RBFOX1: variants seen among roughly 807,000 people sequenced by gnomAD.
RBFOX1 encodes the protein RNA binding protein fox-1 homolog 1.
In RBFOX1, 8 loss-of-function variants were observed where a neutral mutation model predicts 57.7. The observed-to-expected ratio is 0.14, with a 90% confidence interval of 0.08 to 0.25. The LOEUF (loss-of-function observed/expected upper bound fraction) is 0.25, where lower values mean the gene tolerates loss of function less well. Ranked by LOEUF, RBFOX1 falls within the 10% of genes least tolerant of loss-of-function variation. The probability of loss-of-function intolerance (pLI) is 1.00; values close to 1 mark genes in which losing one functional copy is unlikely to be tolerated. For missense variants in RBFOX1, 611 were observed against 548.5 expected (o/e 1.11, Z -1.14); for synonymous variants, 326 against 222.4 (o/e 1.47, Z -4.15).
chr16:6,036,859 G>T (rs2095371871), intron 1 of RBFOX1, among the ~76,000 whole-genome samples: 1 of 152,114 alleles, frequency 6.6e-6, no homozygotes, highest in South Asian at 2.1e-4. Flanking sequence ...TGCTATATGG[G>T]ACACACAAAA....
At chr16:5,500,326 G>A (rs2043151126) in intron 2 of RBFOX1, among the ~76,000 whole-genome samples, 4 of 151,820 alleles carry the variant, frequency 2.6e-5, no homozygotes, top group Admixed American at 2.6e-4. Context: ...GAATTCAAGT[G>A]ATCCTCCCAC....
At chr16:6,911,980 C>T (rs751133064) in intron 3 of RBFOX1, among the ~76,000 whole-genome samples, 1 of 152,148 alleles carries the variant, frequency 6.6e-6, no homozygotes, top group African/African-American at 2.4e-5. Flanking sequence ...GTAGAAAGAA[C>T]AAGAATAAAG....
intron 2 of RBFOX1, among the ~76,000 whole-genome samples, chr16:5,509,747 G>C (rs941420844): frequency 2.6e-5 from 4 of 152,192 alleles, no homozygotes; most frequent in Non-Finnish European, 4.4e-5. Context: ...TGGACGTTAA[G>C]GCCAAGATGG....
chr16:6,562,133 G>A (rs1427535990), intron 2 of RBFOX1, among the ~76,000 whole-genome samples: 1 of 152,178 alleles, frequency 6.6e-6, no homozygotes, highest in African/African-American at 2.4e-5. Context: ...AGACTCCATA[G>A]TTCAAGATAG....
At chr16:6,522,160 TG>T in intron 2 of RBFOX1, among the ~76,000 whole-genome samples, 1 of 140,932 alleles carries the variant, frequency 7.1e-6, no homozygotes, top group Non-Finnish European at 1.5e-5. Flanking sequence ...CCACAGTGTG[TG>T]TGTGTGTGTG....
Position 6,019,542 on chromosome 16 carries a change from A to C in RBFOX1, c.-577A>C. 6.0e-5 allele frequency: 64 copies of C among 1,068,988 alleles called. No individual in the cohort carries two copies. The highest frequency in any genetic ancestry group is 3.0e-4 in the East Asian group (5 of 16,718). The allele number at this position is 1,068,988 out of a possible 1,614,324, so 66.2% of individuals were successfully genotyped here. A position where few individuals can be genotyped will look rare whatever the true frequency, so the allele number is the denominator to read the frequency against. ...CGGGGGCGCTCTGCCAGCCCCGGGA[A>C]CAGCAGAGGCGGCGGCACTGGCTGG... On this transcript the variant is annotated 5_prime_UTR_variant, in exon 1 of 16. Transcript: ENST00000550418. The surrounding 1 kb of genome is among the most constrained non-coding windows in gnomAD (Gnocchi z 4.2).
intron 2 of RBFOX1, among the ~76,000 whole-genome samples, chr16:5,477,785 G>T (rs1165767826): frequency 6.6e-6 from 1 of 152,114 alleles, no homozygotes; most frequent in African/African-American, 2.4e-5. Context: ...AGACCTCCTA[G>T]AAATTCGTAC....
intron 1 of RBFOX1, among the ~76,000 whole-genome samples, chr16:5,461,370 T>G (rs989808173): frequency 2.6e-5 from 4 of 152,084 alleles, no homozygotes; most frequent in Non-Finnish European, 5.9e-5. Flanking sequence ...CTGGAGGCAC[T>G]CATTTCTAGA....
In RBFOX1 at chr16:5,728,857, C is replaced by T. The variant is rs909092612; in HGVS notation, c.318+129896C>T. ...TTCCAAGATCACCTTTAAGTCTGCC[C>T]ATCCAGGCCAAAAGTCTGTACCTGT... On this transcript the variant is annotated intron_variant, in intron 3 of 19. Transcript: ENST00000641259. Among the ~76,000 whole-genome samples, 3 of 152,188 alleles carry T rather than the reference C, an allele frequency of 2.0e-5. No homozygotes were observed. In the South Asian group the frequency reaches 6.2e-4, roughly 31 times the overall value.
chr16:6,902,711 G>A (rs944266709), intron 3 of RBFOX1, among the ~76,000 whole-genome samples: 20 of 152,178 alleles, frequency 1.3e-4, no homozygotes, highest in Admixed American at 1.3e-3. Context: ...GACAAGTCAA[G>A]ACTCCATGTA....
chr16:7,237,037 A>G (rs796677731), intron 4 of RBFOX1, among the ~76,000 whole-genome samples: 1 of 152,350 alleles, frequency 6.6e-6, no homozygotes, highest in African/African-American at 2.4e-5. Context: ...TGCATCACCC[A>G]TCAGCAAGAG....
chr16:5,807,970 T>C (rs1022990734), intron 3 of RBFOX1, among the ~76,000 whole-genome samples: 1 of 152,210 alleles, frequency 6.6e-6, no homozygotes, highest in African/African-American at 2.4e-5. Flanking sequence ...TTTCTTTCAA[T>C]TTCCTCCTTC....
chr16:7,047,047 CTTTTT>C (rs57082046), intron 3 of RBFOX1, among the ~76,000 whole-genome samples: 2 of 124,450 alleles, frequency 1.6e-5, no homozygotes, highest in African/African-American at 2.9e-5. Flanking sequence ...ATGCAATTTC[CTTTTT>C]TTTTTTTTTT....
chr16:6,876,478 T>C (rs1018528488), intron 3 of RBFOX1, among the ~76,000 whole-genome samples: 1 of 152,216 alleles, frequency 6.6e-6, no homozygotes, highest in Admixed American at 6.5e-5. Flanking sequence ...TTTTTGTCAC[T>C]ATTTTATCTT....
intron 2 of RBFOX1, among the ~76,000 whole-genome samples, chr16:6,595,463 T>C (rs1217795358): frequency 6.6e-6 from 1 of 152,242 alleles, no homozygotes; most frequent in Non-Finnish European, 1.5e-5. Flanking sequence ...TCATTGGTTG[T>C]CAAACATTTG....
At chr16:7,093,703 C>G (rs961637411) in intron 4 of RBFOX1, among the ~76,000 whole-genome samples, 3 of 152,192 alleles carry the variant, frequency 2.0e-5, no homozygotes, top group African/African-American at 7.2e-5. Context: ...CAGACTTTGT[C>G]TGGCAGAGGG....
intron 2 of RBFOX1, among the ~76,000 whole-genome samples, chr16:6,504,600 C>A (rs1410613172): frequency 6.6e-6 from 1 of 152,116 alleles, no homozygotes; most frequent in Non-Finnish European, 1.5e-5. Flanking sequence ...TATTTGACAC[C>A]TCATGTTGGT....
At chr16:6,946,263 A>C (rs1598044118) in intron 3 of RBFOX1, among the ~76,000 whole-genome samples, 1 of 152,360 alleles carries the variant, frequency 6.6e-6, no homozygotes, top group Admixed American at 6.5e-5. Context: ...CTTGTAGTAC[A>C]ACAATAGCCA....
intron 1 of RBFOX1, among the ~76,000 whole-genome samples, chr16:6,134,994 C>A (rs1040113469): frequency 2.6e-5 from 4 of 152,140 alleles, no homozygotes; most frequent in Admixed American, 2.0e-4. Context: ...GTCCGTCCCC[C>A]CTCCCCTGAC....
Sources: gnomAD v4.1 joint callset for allele counts (sites outside exome capture counted in the v4.1 genomes callset) on GRCh38, gnomAD v4.1.1 for gene constraint, Gnocchi (gnomAD v3.1) non-coding constraint, MANE v1.5 for transcripts, NCBI Gene and HGNC (gene_info 2026-07-23, HGNC 2026-07-21) for gene names.